MALRD1: variants seen among roughly 807,000 people sequenced by gnomAD.
The protein encoded by MALRD1 is MAM and LDL receptor class A domain containing 1, also known as MAM and LDL-receptor class A domain-containing protein 1.
Under a neutral mutation model 242.1 loss-of-function variants are expected in MALRD1, and 247 were observed. The observed-to-expected ratio is 1.02, with a 90% confidence interval of 0.92 to 1.13. The LOEUF (loss-of-function observed/expected upper bound fraction) is 1.13. Ranked by LOEUF, MALRD1 falls within the 50% of genes most tolerant of loss-of-function variation. The pLI, the probability that MALRD1 is intolerant of heterozygous loss-of-function variation, is 0.00. For missense variants in MALRD1, 2,989 were observed against 2,533.1 expected (o/e 1.18, Z -3.86); for synonymous variants, 995 against 866.6 (o/e 1.15, Z -2.60).
chr10:19,157,532 C>T (rs1184923014), intron 12 of MALRD1, among the ~76,000 whole-genome samples: 2 of 152,072 alleles, frequency 1.3e-5, no homozygotes, highest in Non-Finnish European at 2.9e-5. Flanking sequence ...CAGGCGTGAG[C>T]CACCGCACCC....
rs1833724222 is a variant in MALRD1 at position 19,146,303 on chromosome 10, A to G, written c.1517A>G (p.His506Arg). 2.4e-6 allele frequency: 3 copies of G among 1,231,634 alleles called. No homozygotes were observed. The highest frequency in any genetic ancestry group is 3.0e-6 in the Non-Finnish European group (3 of 987,900). 76.3% of individuals were successfully genotyped at this position (1,231,634 alleles called of 1,614,324 possible). A position where few individuals can be genotyped will look rare whatever the true frequency, so the allele number is the denominator to read the frequency against. ...KLMKGLNNGE[H>R]HFPAADHTAN... ...ATGAAAGGATTGAATAATGGAGAGCACCACTTTCCTGCAGCTGATCACACA... is the reference window on the plus strand; with the variant it reads ...ATGAAAGGATTGAATAATGGAGAGCGCCACTTTCCTGCAGCTGATCACACA... The change falls in exon 11 of 40, where the codon CAC becomes CGC. Residue 506 changes from histidine (H) to arginine (R), a missense_variant. Transcript: ENST00000454679.
intron 26 of MALRD1, among the ~76,000 whole-genome samples, chr10:19,365,659 TAAAAAAAAAAA>T (rs199989681): frequency 8.1e-6 from 1 of 122,874 alleles, no homozygotes; most frequent in African/African-American, 2.9e-5. Context: ...TTATAAATTC[TAAAAAAAAAAA>T]AAAAAAAAAA....
intron 20 of MALRD1, 86 bp from the exon 21 acceptor site, chr10:19,282,933 C>G: frequency 1.1e-6 from 1 of 931,572 alleles, no homozygotes; most frequent in Non-Finnish European, 1.4e-6. Flanking sequence ...GAATTAAAAA[C>G]AAGAGTAAGA....
chr10:19,666,473 G>C (rs558362587), intron 36 of MALRD1, among the ~76,000 whole-genome samples: 56 of 152,060 alleles, frequency 3.7e-4, no homozygotes, highest in Non-Finnish European at 6.5e-4. Flanking sequence ...TTCTTATTCA[G>C]ATTCTCAAAC....
At chr10:19,678,431 A>G (rs778533522) in intron 36 of MALRD1, among the ~76,000 whole-genome samples, 4 of 152,046 alleles carry the variant, frequency 2.6e-5, no homozygotes, top group Non-Finnish European at 4.4e-5. Context: ...CTTTGTAGCA[A>G]TTGTGAATGG....
intron 37 of MALRD1, 24 bp from the exon 38 acceptor site, chr10:19,692,434 T>G: frequency 6.5e-7 from 1 of 1,533,322 alleles, no homozygotes. Context: ...CATATTTATC[T>G]TTTTCTTTGG....
intron 36 of MALRD1, among the ~76,000 whole-genome samples, chr10:19,658,163 A>C (rs932992373): frequency 1.5e-5 from 2 of 136,864 alleles, no homozygotes; most frequent in African/African-American, 7.1e-5. Context: ...CAAAGCAAAC[A>C]AAAAAAAACC....
chr10:19,342,635 G>T (rs1386609996), intron 24 of MALRD1, among the ~76,000 whole-genome samples: 2 of 152,084 alleles, frequency 1.3e-5, no homozygotes, highest in African/African-American at 4.8e-5. Flanking sequence ...AACAACCAGT[G>T]TGTTTTCAGA....
chr10:19,217,762 G>A (rs1170459560), intron 18 of MALRD1, among the ~76,000 whole-genome samples: 1 of 151,986 alleles, frequency 6.6e-6, no homozygotes, highest in African/African-American at 2.4e-5. Context: ...TTGACCTTGT[G>A]ATCTGCCCAC....
intron 34 of MALRD1, among the ~76,000 whole-genome samples, chr10:19,597,811 A>G (rs1838173912): frequency 6.6e-6 from 1 of 152,176 alleles, no homozygotes; most frequent in Admixed American, 6.5e-5. Flanking sequence ...GGTGCTAGGG[A>G]TTCTTTACAT....
At chr10:19,125,120 A>G (rs1392406917) in intron 7 of MALRD1, among the ~76,000 whole-genome samples, 1 of 150,984 alleles carries the variant, frequency 6.6e-6, no homozygotes, top group Non-Finnish European at 1.5e-5. Context: ...TAATTTTTGA[A>G]TTTTTAGTGG....
chr10:19,167,576 G>T (rs941088790), intron 13 of MALRD1, among the ~76,000 whole-genome samples: 4 of 152,098 alleles, frequency 2.6e-5, no homozygotes, highest in African/African-American at 9.7e-5. Context: ...TTAAAATAAT[G>T]CTTGATCTTA....
intron 28 of MALRD1, among the ~76,000 whole-genome samples, chr10:19,424,618 A>G (rs1323289373): frequency 6.6e-6 from 1 of 152,254 alleles, no homozygotes; most frequent in Non-Finnish European, 1.5e-5. Flanking sequence ...TTTCAGTGTT[A>G]CAATTAAAAT....
At chr10:19,550,589 T>C (rs904553561) in intron 32 of MALRD1, among the ~76,000 whole-genome samples, 1 of 152,096 alleles carries the variant, frequency 6.6e-6, no homozygotes, top group Admixed American at 6.6e-5. Flanking sequence ...TGTGAGAACA[T>C]GCGGTATTTG....
chr10:19,094,602 A>G (rs552367179), intron 4 of MALRD1, among the ~76,000 whole-genome samples: 2 of 151,990 alleles, frequency 1.3e-5, no homozygotes, highest in African/African-American at 4.8e-5. Context: ...CTATTTGGCC[A>G]TCTTGGCTCC....
chr10:19,165,265 A>ATATATATATATATATATATTTTG, intron 12 of MALRD1, among the ~76,000 whole-genome samples: 1 of 130,286 alleles, frequency 7.7e-6, no homozygotes, highest in Non-Finnish European at 1.6e-5. Context: ...ATATATATAT[A>ATATATATATATATATATATTTTG]TTTTGTTTTG....
chr10:19,677,078 G>C (rs1412561532), intron 36 of MALRD1, among the ~76,000 whole-genome samples: 1 of 152,006 alleles, frequency 6.6e-6, no homozygotes, highest in Non-Finnish European at 1.5e-5. Context: ...ATAGGCATTT[G>C]GGTTGACTCC....
chr10:19,298,471 G>T (rs1013745735), intron 21 of MALRD1, among the ~76,000 whole-genome samples: 7 of 152,038 alleles, frequency 4.6e-5, no homozygotes, highest in Middle Eastern at 3.4e-3. Flanking sequence ...AGGAAACAAG[G>T]GGAAACAAAG....
At chr10:19,540,106 T>C (rs1364832680) in intron 32 of MALRD1, among the ~76,000 whole-genome samples, 3 of 152,008 alleles carry the variant, frequency 2.0e-5, no homozygotes, top group Non-Finnish European at 4.4e-5. Flanking sequence ...TCAAACTCAC[T>C]GAGGGCCCTT....
Sources: allele counts gnomAD v4.1 joint callset (sites outside exome capture counted in the v4.1 genomes callset), GRCh38; gene constraint gnomAD v4.1.1; transcripts MANE v1.5; gene names NCBI Gene and HGNC (gene_info 2026-07-23, HGNC 2026-07-21).